UTRN: variants seen among roughly 807,000 people sequenced by gnomAD.
UTRN encodes dystrophin-related protein 1.
A neutral mutation model predicts 463.9 loss-of-function variants in UTRN; 283 were observed. The observed-to-expected ratio is 0.61, with a 90% CI of 0.55 to 0.67. The LOEUF is 0.67. Among genes scored for constraint, UTRN ranks in the 30% least tolerant of loss-of-function variants. The pLI is 0.00. For synonymous variants in UTRN, 1,442 were observed against 1,431.5 expected (o/e 1.01, Z -0.17); for missense variants, 3,922 against 4,084.3 (o/e 0.96, Z 1.08).
intron 53 of UTRN, among the ~76,000 whole-genome samples, chr6:144,719,476 C>A (rs921824438): frequency 9.9e-5 from 15 of 152,246 alleles, no homozygotes; most frequent in African/African-American, 3.6e-4. Context: ...ACTCAGGAGG[C>A]TAAGGCAGGA....
chr6:144,398,121 G>A (rs551686201), intron 2 of UTRN: 9 of 247,602 alleles, frequency 3.6e-5, no homozygotes, highest in Admixed American at 3.2e-4. Flanking sequence ...TAGATGGTTT[G>A]CCTGTGTCAT....
At chr6:144,295,651 C>T (rs1804612192) in intron 2 of UTRN, among the ~76,000 whole-genome samples, 1 of 152,190 alleles carries the variant, frequency 6.6e-6, no homozygotes, top group African/African-American at 2.4e-5. Context: ...TATAACCCAG[C>T]CATTCCTGTG....
At chr6:144,451,626 A>G (rs1008466815) in intron 18 of UTRN, 133 bp downstream of exon 18, 8 of 1,100,896 alleles carry the variant, frequency 7.3e-6, no homozygotes, top group African/African-American at 1.6e-5. Context: ...AGCTTTTAGT[A>G]CATTGTAGTG....
At chr6:144,400,915 T>C (rs1782884543) in intron 2 of UTRN, among the ~76,000 whole-genome samples, 1 of 152,234 alleles carries the variant, frequency 6.6e-6, no homozygotes, top group South Asian at 2.1e-4. Flanking sequence ...TTATTTCATT[T>C]CATATGTGAT....
rs566617934 is a variant in UTRN, at chr6:144,807,717, A to G, written c.9357+4570A>G. Among the ~76,000 whole-genome samples the G allele has an allele frequency of 4.6e-5, 7 of 152,236 alleles. No homozygotes were observed. In the Middle Eastern group the frequency reaches 0.01, roughly 222 times the overall value. ...ACTTAGTTCAGGGGCCTCTGCCAAT[A>G]GCCTCTACTTTACCAATTAGGATTT... On this transcript the variant is annotated intron_variant, in intron 65 of 74. Transcript: ENST00000367545.
chr6:144,812,770 T>C (rs1240339270), intron 65 of UTRN, among the ~76,000 whole-genome samples: 1 of 152,256 alleles, frequency 6.6e-6, no homozygotes, highest in Non-Finnish European at 1.5e-5. Context: ...TTTAGGGTTT[T>C]GCTACAGATA....
chr6:144,309,661 T>C (rs1806068793), intron 2 of UTRN, among the ~76,000 whole-genome samples: 1 of 152,226 alleles, frequency 6.6e-6, no homozygotes. Context: ...CCTCCTTACT[T>C]GTCTCTCTGC....
rs976455792 is a variant in UTRN, at chr6:144,774,277, T to C, written c.8558-13T>C. The stretch of plus-strand genomic sequence containing the variant: ...ATAAGCCTATCTTCAAATTGTTTCT[T>C]TTTCTATTTCAGCTGACCTGAATAA... On this transcript the variant is annotated splice_polypyrimidine_tract_variant and intron_variant, in intron 59 of 74. Coordinates refer to ENST00000367545, the MANE Select transcript of UTRN (RefSeq NM_007124.3). 1.1e-5 allele frequency: 17 copies of C among 1,593,728 alleles called. No individual in the cohort carries two copies. Among genetic ancestry groups the C allele is most frequent in the Non-Finnish European group, 1.4e-5 (16 of 1,173,910 alleles).
chr6:144,557,129 A>C, intron 49 of UTRN, 28 bp from the exon 50 acceptor site: 1 of 1,604,626 alleles, frequency 6.2e-7, no homozygotes, highest in Non-Finnish European at 8.5e-7. Flanking sequence ...GACCAAGTCT[A>C]ACAAACAGAC....
chr6:144,553,717 C>T (rs1162167754), intron 48 of UTRN, among the ~76,000 whole-genome samples: 1 of 151,984 alleles, frequency 6.6e-6, no homozygotes, highest in African/African-American at 2.4e-5. Context: ...GAGTTCGAGA[C>T]CTGGCCAACA....
At chr6:144,420,304 G>A (rs1012551724) in intron 3 of UTRN, among the ~76,000 whole-genome samples, 1 of 152,138 alleles carries the variant, frequency 6.6e-6, no homozygotes, top group Non-Finnish European at 1.5e-5. Context: ...GTATTCTGTA[G>A]TTCTCAGGGC....
chr6:144,631,203 A>C (rs1320258986), intron 51 of UTRN, among the ~76,000 whole-genome samples: 1 of 147,518 alleles, frequency 6.8e-6, no homozygotes, highest in Non-Finnish European at 1.5e-5. Flanking sequence ...GAGAGAGAGA[A>C]AGAGAGAGTG....
intron 65 of UTRN, 101 bp downstream of exon 65, chr6:144,803,248 T>A (rs1777857755): frequency 1.3e-6 from 1 of 745,856 alleles, no homozygotes; most frequent in African/African-American, 1.9e-5. Flanking sequence ...TTTGAAAAAA[T>A]ATCACTTTGA....
chr6:144,339,069 T>C (rs1479398074), intron 2 of UTRN, among the ~76,000 whole-genome samples: 2 of 152,238 alleles, frequency 1.3e-5, no homozygotes, highest in Non-Finnish European at 2.9e-5. Flanking sequence ...ATATAACTTT[T>C]CTCAAATGGG....
chr6:144,429,323 A>G (rs1261255397), intron 8 of UTRN, among the ~76,000 whole-genome samples: 1 of 152,146 alleles, frequency 6.6e-6, no homozygotes, highest in Non-Finnish European at 1.5e-5. Flanking sequence ...TTAAATGGTA[A>G]CATATGGTAG....
intron 51 of UTRN, among the ~76,000 whole-genome samples, chr6:144,604,859 G>A (rs1182199131): frequency 6.6e-6 from 1 of 152,082 alleles, no homozygotes; most frequent in East Asian, 1.9e-4. Flanking sequence ...AGGTTGCAGT[G>A]AGCCGAGATT....
chr6:144,348,763 T>C (rs910145571), intron 2 of UTRN, among the ~76,000 whole-genome samples: 4 of 152,064 alleles, frequency 2.6e-5, no homozygotes, highest in Admixed American at 2.0e-4. Context: ...GGAGAAACCC[T>C]GTCTCTATTA....
intron 50 of UTRN, among the ~76,000 whole-genome samples, chr6:144,559,936 T>C (rs1799717776): frequency 6.6e-6 from 1 of 152,182 alleles, no homozygotes; most frequent in Admixed American, 6.5e-5. Context: ...ATGGTAATGC[T>C]CTTCATGCTG....
intron 8 of UTRN, among the ~76,000 whole-genome samples, chr6:144,429,224 G>A (rs1389910226): frequency 6.6e-6 from 1 of 152,092 alleles, no homozygotes; most frequent in African/African-American, 2.4e-5. Context: ...TGAGCATCTT[G>A]CATGTGATGT....
Sources: allele counts gnomAD v4.1 joint callset (sites outside exome capture counted in the v4.1 genomes callset), GRCh38; gene constraint gnomAD v4.1.1; transcripts MANE v1.5; gene names NCBI Gene and HGNC (gene_info 2026-07-23, HGNC 2026-07-21).